DNM3: variants seen among roughly 807,000 people sequenced by gnomAD.
DNM3 encodes the protein dynamin-3.
Under a neutral mutation model 101.6 loss-of-function variants are expected in DNM3, and 47 were observed. That is an observed-to-expected ratio of 0.46 (90% CI 0.37 to 0.59). DNM3 has a LOEUF of 0.59. Among genes scored for constraint, DNM3 ranks in the 20% least tolerant of loss-of-function variants. DNM3 has a pLI of 0.00. For synonymous variants in DNM3, 385 were observed against 387.9 expected, an observed-to-expected ratio of 0.99 and a Z score of 0.09; for missense variants, 849 against 1,085.7, an observed-to-expected ratio of 0.78 and a Z score of 3.06.
Position 172,411,598 on chromosome 1 carries a change from C to T in DNM3, c.*3757C>T. 2 of 983,404 alleles carry T rather than the reference C, an allele frequency of 2.0e-6. No individual in the cohort carries two copies. Among genetic ancestry groups the T allele is most frequent in the Non-Finnish European group, 2.4e-6 (2 of 829,484 alleles). The allele number at this position is 983,404 out of a possible 1,614,324, so 60.9% of individuals were successfully genotyped here. On this transcript the variant is annotated 3_prime_UTR_variant, in exon 21 of 21. Coordinates refer to ENST00000627582, the MANE Select transcript of DNM3 (RefSeq NM_015569.5). ...TAGTGGATTTTTCTGAGTAAATTTGCTGAAAATATAAGAGAGAAGCTATCT... is the reference window on the plus strand; with the variant it reads ...TAGTGGATTTTTCTGAGTAAATTTGTTGAAAATATAAGAGAGAAGCTATCT...
At chr1:171,893,493 A>G (rs958100931) in intron 1 of DNM3, among the ~76,000 whole-genome samples, 12 of 151,140 alleles carry the variant, frequency 7.9e-5, no homozygotes, top group African/African-American at 2.4e-4. Context: ...TCACTCTTTC[A>G]CCCAGGCTGG....
At chr1:172,036,389 A>C (rs1002400826) in intron 6 of DNM3, among the ~76,000 whole-genome samples, 1 of 151,970 alleles carries the variant, frequency 6.6e-6, no homozygotes, top group African/African-American at 2.4e-5. Context: ...ACCTGACTTC[A>C]AACTATACTA....
intron 1 of DNM3, among the ~76,000 whole-genome samples, chr1:171,899,199 G>A (rs1322179392): frequency 6.6e-6 from 1 of 152,172 alleles, no homozygotes; most frequent in African/African-American, 2.4e-5. Flanking sequence ...TGTTTTCCCC[G>A]CTGCTGCCAT....
At chr1:172,213,481 A>G (rs1243622351) in intron 14 of DNM3, among the ~76,000 whole-genome samples, 2 of 151,174 alleles carry the variant, frequency 1.3e-5, no homozygotes, top group Non-Finnish European at 2.9e-5. Flanking sequence ...CAAAAAGTTA[A>G]ACAAAGCTTA....
At chr1:172,213,476 A>G (rs1391043248) in intron 14 of DNM3, among the ~76,000 whole-genome samples, 1 of 149,576 alleles carries the variant, frequency 6.7e-6, no homozygotes, top group Non-Finnish European at 1.5e-5. Context: ...TTCAACAAAA[A>G]GTTAAACAAA....
intron 14 of DNM3, among the ~76,000 whole-genome samples, chr1:172,248,151 A>C (rs370058646): frequency 8.5e-5 from 13 of 152,212 alleles, no homozygotes; most frequent in African/African-American, 3.1e-4. Context: ...TGTATGAATC[A>C]AATCAGAGAT....
intron 1 of DNM3, among the ~76,000 whole-genome samples, chr1:171,917,382 T>C (rs966859758): frequency 4.6e-5 from 7 of 152,214 alleles, no homozygotes; most frequent in African/African-American, 1.7e-4. Context: ...TATTTCCTGG[T>C]AACTCAGTTA....
At chr1:172,230,119 TG>T (rs1249300923) in intron 14 of DNM3, among the ~76,000 whole-genome samples, 1 of 151,596 alleles carries the variant, frequency 6.6e-6, no homozygotes. Flanking sequence ...CATGGTTTTT[TG>T]TTTGTTTGTT....
chr1:172,217,011 C>T (rs919962574), intron 14 of DNM3, among the ~76,000 whole-genome samples: 1 of 152,074 alleles, frequency 6.6e-6, no homozygotes, highest in Non-Finnish European at 1.5e-5. Flanking sequence ...CATTTAAAAG[C>T]TTTGCAAGAA....
intron 15 of DNM3, among the ~76,000 whole-genome samples, chr1:172,303,266 G>A (rs903340181): frequency 6.6e-6 from 1 of 152,068 alleles, no homozygotes; most frequent in Non-Finnish European, 1.5e-5. Flanking sequence ...TCAATCAAGT[G>A]GAAGAAAGGG....
intron 14 of DNM3, among the ~76,000 whole-genome samples, chr1:172,135,663 GATGTGAGAA>G (rs199664306): frequency 0.032 from 4,827 of 152,074 alleles, 122 homozygotes; most frequent in Middle Eastern, 0.11. Context: ...TAAAAAGCAA[GATGTGAGAA>G]TAAAACAGAA....
intron 1 of DNM3, among the ~76,000 whole-genome samples, chr1:171,900,338 G>T (rs78501595): frequency 0.012 from 1,865 of 152,104 alleles, 37 homozygotes; most frequent in African/African-American, 0.042. Context: ...CCATTAGCAG[G>T]GGGTGGATGA....
intron 2 of DNM3, among the ~76,000 whole-genome samples, chr1:171,960,822 G>T (rs2043167648): frequency 6.6e-6 from 1 of 152,170 alleles, no homozygotes; most frequent in Non-Finnish European, 1.5e-5. Context: ...AAAAAAGCAG[G>T]ATGGGGTGAG....
chr1:171,894,778 G>A (rs2037626037), intron 1 of DNM3, among the ~76,000 whole-genome samples: 1 of 143,994 alleles, frequency 6.9e-6, no homozygotes, highest in South Asian at 2.4e-4. Context: ...GATGTTCCCT[G>A]CCCTGTGTCC....
intron 2 of DNM3, among the ~76,000 whole-genome samples, chr1:171,983,148 A>G (rs1217114057): frequency 6.6e-6 from 1 of 151,948 alleles, no homozygotes; most frequent in Non-Finnish European, 1.5e-5. Flanking sequence ...TCTTCTTTAC[A>G]ACAAAACTCC....
intron 4 of DNM3, among the ~76,000 whole-genome samples, chr1:171,993,489 T>G (rs2045776909): frequency 7.0e-6 from 1 of 141,944 alleles, no homozygotes; most frequent in Non-Finnish European, 1.5e-5. Context: ...TCCTGCTGCT[T>G]TCAAGATTCT....
At chr1:172,324,265 A>G (rs1416271122) in intron 17 of DNM3, among the ~76,000 whole-genome samples, 5 of 152,200 alleles carry the variant, frequency 3.3e-5, no homozygotes, top group Admixed American at 6.5e-5. Flanking sequence ...AATTGAAAAG[A>G]ATCTGTTATA....
intron 1 of DNM3, among the ~76,000 whole-genome samples, chr1:171,847,888 C>CTGTG (rs1273322867): frequency 3.9e-4 from 27 of 69,618 alleles, no homozygotes; most frequent in South Asian, 4.6e-4. Context: ...TACTCTCTCT[C>CTGTG]TCTCTCTCTG....
At position 172,091,258 on chromosome 1, in the gene DNM3, C is replaced by T. The variant is rs555213796; in HGVS notation, c.1494-1566C>T. Among the ~76,000 whole-genome samples, 331 of 152,220 alleles carry T rather than the reference C, an allele frequency of 2.2e-3. 4 individuals carry two copies. The highest frequency in any genetic ancestry group is 7.2e-3 in the African/African-American group (301 of 41,538). On this transcript the variant is annotated intron_variant, in intron 12 of 20. Transcript: ENST00000627582. Reference sequence around the variant, plus strand: ...GGGATATAGCAGTGAACAAAACAGACGCAAACCCCTGCTCATTAGGAGCTT... The same window carrying T: ...GGGATATAGCAGTGAACAAAACAGATGCAAACCCCTGCTCATTAGGAGCTT...
Sources: allele counts gnomAD v4.1 joint callset (sites outside exome capture counted in the v4.1 genomes callset), GRCh38; gene constraint gnomAD v4.1.1; transcripts MANE v1.5; gene names NCBI Gene and HGNC (gene_info 2026-07-23, HGNC 2026-07-21).